Variants in PIGH observed in about 807,000 individuals in gnomAD.
PIGH encodes phosphatidylinositol glycan anchor biosynthesis class H, also known as phosphatidylinositol N-acetylglucosaminyltransferase subunit H.
In PIGH, 11 loss-of-function variants were observed where a neutral mutation model predicts 20.1. That is an observed-to-expected ratio of 0.55 (90% CI 0.34 to 0.91). The LOEUF is 0.91. Among genes scored for constraint, PIGH ranks in the 40% least tolerant of loss-of-function variants. PIGH has a pLI of 0.02. For synonymous variants in PIGH, 72 were observed against 93.1 expected (o/e 0.77, Z 1.31); for missense variants, 189 against 233.6 (o/e 0.81, Z 1.24).
In PIGH at chr14:67,590,179, T is replaced by G; in HGVS notation, c.475-7A>C. On this transcript the variant is annotated splice_polypyrimidine_tract_variant and splice_region_variant and intron_variant, in intron 3 of 3. Coordinates refer to ENST00000216452, the MANE Select transcript of PIGH (RefSeq NM_004569.5). ...CCAGCCGGGGCTTGGCACTCTGAAT[T>G]CCAAAGGGGAGAAATGCGGAGTCAA... is the stretch of plus-strand genomic sequence containing the variant. The G allele has an allele frequency of 1.3e-6, 2 of 1,548,562 alleles. No individual in the cohort carries two copies. The highest frequency in any genetic ancestry group is 1.7e-6 in the Non-Finnish European group (2 of 1,145,952).
Position 67,600,257 on chromosome 14 carries a change from C to CCTGGCCGTCTCGCCCGCT in PIGH, c.-55_-54insAGCGGGCGAGACGGCCAG, listed in dbSNP as rs2036557302. ...GCGGCGCTGCACTGCGCTCGCCGGCCCTGGCCGTCTCGCCCGCTCCAGACC... is the reference window on the plus strand; with the variant it reads ...GCGGCGCTGCACTGCGCTCGCCGGCCCTGGCCGTCTCGCCCGCTCTGGCCGTCTCGCCCGCTCCAGACC... On this transcript the variant is annotated 5_prime_UTR_variant, in exon 1 of 4. Transcript: ENST00000216452. 7.0e-7 allele frequency: 1 copy of CCTGGCCGTCTCGCCCGCT among 1,435,690 alleles called. No homozygotes were observed. 88.9% of individuals were successfully genotyped at this position (1,435,690 alleles called of 1,614,324 possible).
At chr14:67,592,458 A>G (rs1292116865) in intron 3 of PIGH, 177 bp downstream of exon 3, 2 of 565,534 alleles carry the variant, frequency 3.5e-6, no homozygotes, top group East Asian at 6.0e-5. Context: ...TAAAATGTGC[A>G]TGAATATTTT....
chr14:67,597,760 TA>T (rs771735104), intron 1 of PIGH, among the ~76,000 whole-genome samples: 21 of 58,218 alleles, frequency 3.6e-4, no homozygotes, highest in African/African-American at 7.5e-4. Context: ...AAGAAAAGTT[TA>T]AAAAAAAAAA....
In PIGH at chr14:67,589,764, A is replaced by G; in HGVS notation, c.*316T>C. 9.5e-7 allele frequency: 1 copy of G among 1,047,682 alleles called. No homozygotes were observed. The highest frequency in any genetic ancestry group is 1.1e-6 in the Non-Finnish European group (1 of 870,994). The allele number at this position is 1,047,682 out of a possible 1,614,324, so 64.9% of individuals were successfully genotyped here. ...ATTGTTTTGCTTCACAAACATCAAC[A>G]AAGTAAACCTGAACATGCTTAGCAA... On this transcript the variant is annotated 3_prime_UTR_variant, in exon 4 of 4. Coordinates refer to ENST00000216452, the MANE Select transcript of PIGH (RefSeq NM_004569.5).
In PIGH at chr14:67,600,030, G is replaced by C; in HGVS notation, c.174C>G (p.Leu58=). Residue 58 remains leucine (L), a synonymous_variant, in exon 1 of 4, where the codon CTC becomes CTG. Transcript: ENST00000216452. ...GGGGCCGACTTGCCATTACCTCGCA[G>C]AGGGTGAAGAGTCCGTAGGCCGCCA... ...VWLAAYGLFT[L]CENSMILSAA... The C allele has an allele frequency of 6.4e-7, 1 of 1,565,054 alleles. No homozygotes were observed. The highest frequency in any genetic ancestry group is 8.6e-7 in the Non-Finnish European group (1 of 1,156,266).
chr14:67,591,238 C>T (rs1360704625), intron 3 of PIGH, among the ~76,000 whole-genome samples: 1 of 152,102 alleles, frequency 6.6e-6, no homozygotes, highest in Non-Finnish European at 1.5e-5. Flanking sequence ...AATGCCTTTA[C>T]CTACATATTA....
intron 3 of PIGH, among the ~76,000 whole-genome samples, chr14:67,590,823 C>T (rs1396809431): frequency 6.6e-6 from 1 of 152,198 alleles, no homozygotes; most frequent in Admixed American, 6.5e-5. Context: ...CAAATGATAG[C>T]TTTTTAATCT....
Position 67,593,791 on chromosome 14 carries a change from T to TA in PIGH, c.341dup (p.Glu115ArgfsTer12), listed in dbSNP as rs1488975217. On this transcript the variant is annotated frameshift_variant, in exon 2 of 4. Transcript: ENST00000216452. LOFTEE classifies it high-confidence loss of function. The stretch of plus-strand genomic sequence containing the variant: ...CAATATCCTTGACCTTGCCCATTTC[T>TA]ATGAAGGTAGTGCTTTCTTTGCCTG... 1 of 1,613,774 alleles carries TA rather than the reference T, an allele frequency of 6.2e-7. No individual in the cohort carries two copies.
chr14:67,592,450 A>G lies in PIGH; in HGVS notation c.474+185T>C, dbSNP rs752033166. The G allele has an allele frequency of 7.1e-5, 40 of 561,002 alleles. No individual in the cohort carries two copies. The Middle Eastern group carries it at 1.4e-3, about 20-fold the overall frequency. The allele number at this position is 561,002 out of a possible 1,614,324, so 34.8% of individuals were successfully genotyped here. A position where few individuals can be genotyped will look rare whatever the true frequency, so the allele number is the denominator to read the frequency against. ...GAGACTCTGTCTCTAAAATAAAATA[A>G]AATGTGCATGAATATTTTTAAGGAA... On this transcript the variant is annotated intron_variant, in intron 3 of 3. Transcript: ENST00000216452.
rs1377928752 is a variant in PIGH, at chr14:67,600,253, C to G, written c.-50G>C. 4.2e-6 allele frequency: 6 copies of G among 1,444,696 alleles called. No homozygotes were observed. Among genetic ancestry groups the G allele is most frequent in the East Asian group, 2.6e-5 (1 of 38,590 alleles). 89.5% of individuals were successfully genotyped at this position (1,444,696 alleles called of 1,614,324 possible). A position where few individuals can be genotyped will look rare whatever the true frequency, so the allele number is the denominator to read the frequency against. On this transcript the variant is annotated 5_prime_UTR_variant, in exon 1 of 4. Coordinates refer to ENST00000216452, the MANE Select transcript of PIGH (RefSeq NM_004569.5). ...CCGCGCGGCGCTGCACTGCGCTCGC[C>G]GGCCCTGGCCGTCTCGCCCGCTCCA...
chr14:67,593,048 A>G (rs1048177370), intron 2 of PIGH, among the ~76,000 whole-genome samples: 2 of 152,224 alleles, frequency 1.3e-5, no homozygotes, highest in Admixed American at 6.5e-5. Context: ...TGGCCTCCCA[A>G]AGTGCTGGGA....
At chr14:67,594,162 GA>G (rs2036427891) in intron 1 of PIGH, among the ~76,000 whole-genome samples, 1 of 152,208 alleles carries the variant, frequency 6.6e-6, no homozygotes, top group Non-Finnish European at 1.5e-5. Flanking sequence ...AGCAATCTCA[GA>G]AATTTTTCTT....
Position 67,589,351 on chromosome 14 carries a change from C to T in PIGH, c.*729G>A, listed in dbSNP as rs767429600. On this transcript the variant is annotated 3_prime_UTR_variant, in exon 4 of 4. Transcript: ENST00000216452. The stretch of plus-strand genomic sequence containing the variant: ...TTTATTCTTTGTTAACATGAGAGTC[C>T]CATGTCTGAAAACCAAAGTCCAATT... 2.0e-5 allele frequency: 20 copies of T among 981,700 alleles called. No homozygotes were observed. Among genetic ancestry groups the T allele is most frequent in the Non-Finnish European group, 2.4e-5 (20 of 826,766 alleles). 60.8% of individuals were successfully genotyped at this position (981,700 alleles called of 1,614,324 possible).
chr14:67,599,269 A>G (rs1160797028), intron 1 of PIGH, among the ~76,000 whole-genome samples: 1 of 152,180 alleles, frequency 6.6e-6, no homozygotes, highest in East Asian at 1.9e-4. Flanking sequence ...GAAAATTAGG[A>G]TAATTCTTTT....
Position 67,595,774 on chromosome 14 carries a change from C to A in PIGH, c.181-1822G>T, listed in dbSNP as rs35108968. Among the ~76,000 whole-genome samples the A allele has an allele frequency of 4.2e-3, 640 of 152,206 alleles. 41 individuals carry two copies. The East Asian group carries it at 0.11, about 27-fold the overall frequency. The stretch of plus-strand genomic sequence containing the variant: ...CTAGAGGACGCTAAGGGTGGAAGTG[C>A]AGTTTCTGCACTTGGAGGACCAGGT... On this transcript the variant is annotated intron_variant, in intron 1 of 3. Coordinates refer to ENST00000216452, the MANE Select transcript of PIGH (RefSeq NM_004569.5).
intron 1 of PIGH, among the ~76,000 whole-genome samples, chr14:67,595,409 G>A (rs2036455290): frequency 6.6e-6 from 1 of 152,216 alleles, no homozygotes; most frequent in African/African-American, 2.4e-5. Context: ...GGAACCATCT[G>A]TATATAGTGC....
At chr14:67,592,472 G>A in intron 3 of PIGH, 163 bp downstream of exon 3, 1 of 569,830 alleles carries the variant, frequency 1.8e-6, no homozygotes. Context: ...ATATTTTTAA[G>A]GAATACATTT....
chr14:67,593,607 AT>A (rs2036416735), intron 2 of PIGH, 135 bp downstream of exon 2: 1 of 602,562 alleles, frequency 1.7e-6, no homozygotes, highest in African/African-American at 1.9e-5. Context: ...AACCTGCTGC[AT>A]CTCTTTAAAA....
intron 1 of PIGH, among the ~76,000 whole-genome samples, chr14:67,595,851 G>A (rs528965916): frequency 6.6e-6 from 1 of 152,220 alleles, no homozygotes; most frequent in South Asian, 2.1e-4. Context: ...GACAAGAGCC[G>A]GAATCAAATG....
Sources: allele counts gnomAD v4.1 joint callset (sites outside exome capture counted in the v4.1 genomes callset), GRCh38; gene constraint gnomAD v4.1.1; transcripts MANE v1.5; gene names NCBI Gene and HGNC (gene_info 2026-07-23, HGNC 2026-07-21).